Variants in TTLL5 observed in about 807,000 individuals in gnomAD.
The protein encoded by TTLL5 is tubulin tyrosine ligase like 5.
TTLL5 carries 132 observed loss-of-function variants against 168.4 expected under a neutral mutation model. That is an observed-to-expected ratio of 0.78 (90% CI 0.68 to 0.91). The LOEUF (loss-of-function observed/expected upper bound fraction) is 0.91, where lower values mean the gene tolerates loss of function less well. Among genes scored for constraint, TTLL5 ranks in the 40% least tolerant of loss-of-function variants. The pLI is 0.00. For missense variants in TTLL5, 1,545 were observed against 1,581.5 expected (o/e 0.98, Z 0.39); for synonymous variants, 546 against 558.6 (o/e 0.98, Z 0.32).
At chr14:75,757,993 A>T (rs1487017881) in intron 18 of TTLL5, 6 of 994,730 alleles carry the variant, frequency 6.0e-6, no homozygotes, top group African/African-American at 5.0e-5. Flanking sequence ...TAACATAAAA[A>T]TTTTTTCTAT....
At chr14:75,885,021 A>C (rs1237923922) in intron 30 of TTLL5, among the ~76,000 whole-genome samples, 1 of 150,478 alleles carries the variant, frequency 6.6e-6, no homozygotes, top group African/African-American at 2.5e-5. Context: ...ATACAAAAAA[A>C]AATTAGCCAG....
At chr14:75,721,493 G>T (rs537449715) in intron 12 of TTLL5, among the ~76,000 whole-genome samples, 1 of 152,318 alleles carries the variant, frequency 6.6e-6, no homozygotes, top group South Asian at 2.1e-4. Flanking sequence ...AGTAATACAG[G>T]TAGTAAGGAT....
At chr14:75,897,751 G>A (rs1019585402) in intron 30 of TTLL5, among the ~76,000 whole-genome samples, 1 of 152,136 alleles carries the variant, frequency 6.6e-6, no homozygotes, top group Non-Finnish European at 1.5e-5. Context: ...AGGATTACAG[G>A]TGTGAGCCAC....
intron 31 of TTLL5, among the ~76,000 whole-genome samples, chr14:75,925,884 C>T (rs984118137): frequency 3.9e-5 from 6 of 152,022 alleles, no homozygotes; most frequent in Non-Finnish European, 8.8e-5. Context: ...CCCGTCTCCA[C>T]CAAAAAAGTA....
chr14:75,760,916 T>G (rs1287394291), intron 18 of TTLL5, among the ~76,000 whole-genome samples: 1 of 152,092 alleles, frequency 6.6e-6, no homozygotes, highest in Non-Finnish European at 1.5e-5. Context: ...ATTAAAAACT[T>G]CATTATAAGA....
In TTLL5 at chr14:75,863,736, G is replaced by A. The variant is rs2030231971; in HGVS notation, c.3396G>A (p.Gly1132=). The stretch of plus-strand genomic sequence containing the variant: ...ACAACGTGTACAGCCAGGCTACAGG[G>A]GTGGTCCCCCAGCACAAGTATCACC... ...VENNVYSQAT[G]VVPQHKYHPT... is the part of the protein sequence containing the mutation. The change falls in exon 29 of 32, where the codon GGG becomes GGA. Residue 1132 remains glycine (G), a synonymous_variant. Transcript: ENST00000298832. The A allele has an allele frequency of 6.2e-7, 1 of 1,613,424 alleles. No homozygotes were observed. Among genetic ancestry groups the A allele is most frequent in the Admixed American group, 1.7e-5 (1 of 59,944 alleles).
At chr14:75,718,580 G>A (rs561770615) in intron 10 of TTLL5, among the ~76,000 whole-genome samples, 2 of 152,178 alleles carry the variant, frequency 1.3e-5, no homozygotes, top group Admixed American at 6.5e-5. Context: ...ATAGTGGGTA[G>A]GATTGTGAGT....
chr14:75,846,353 A>G (rs922445302), intron 28 of TTLL5, among the ~76,000 whole-genome samples: 2 of 152,228 alleles, frequency 1.3e-5, no homozygotes, highest in Non-Finnish European at 2.9e-5. Context: ...AATTTTTACA[A>G]TGGCCTAATC....
At chr14:75,670,803 T>C (rs553256436) in intron 3 of TTLL5, among the ~76,000 whole-genome samples, 7 of 152,366 alleles carry the variant, frequency 4.6e-5, no homozygotes, top group East Asian at 1.9e-4. Flanking sequence ...TTATATGTTA[T>C]GGATATTAGA....
At position 75,766,190 on chromosome 14, in the gene TTLL5, GAAAATCAAGCC is replaced by G; in HGVS notation, c.1841_1851del (p.Asn614IlefsTer22). 1 of 1,614,000 alleles carries G rather than the reference GAAAATCAAGCC, an allele frequency of 6.2e-7. No homozygotes were observed. Among genetic ancestry groups the G allele is most frequent in the Non-Finnish European group, 8.5e-7 (1 of 1,179,980 alleles). ...GGAGGAGTCTGCAGGATTTCTTAGA[GAAAATCAAGCC>G]AAATATACACCCTCATTGACAGCTT... On this transcript the variant is annotated frameshift_variant, in exon 20 of 32. Coordinates refer to ENST00000298832, the MANE Select transcript of TTLL5 (RefSeq NM_015072.5). LOFTEE classifies it high-confidence loss of function.
At chr14:75,739,866 T>A (rs1299051942) in intron 15 of TTLL5, among the ~76,000 whole-genome samples, 1 of 152,248 alleles carries the variant, frequency 6.6e-6, no homozygotes, top group African/African-American at 2.4e-5. Flanking sequence ...TTGAGTCTTT[T>A]GATTTTCCCA....
At chr14:75,833,315 C>G (rs1200200824) in intron 28 of TTLL5, among the ~76,000 whole-genome samples, 1 of 152,206 alleles carries the variant, frequency 6.6e-6, no homozygotes, top group Non-Finnish European at 1.5e-5. Flanking sequence ...CACCCAGTCC[C>G]CAGCATCTGA....
intron 1 of TTLL5, chr14:75,661,783 C>G: frequency 6.6e-6 from 1 of 152,322 alleles, no homozygotes; most frequent in Middle Eastern, 3.4e-3. Flanking sequence ...ATCAAGAAAT[C>G]CCGTTGAGAA....
intron 30 of TTLL5, among the ~76,000 whole-genome samples, chr14:75,895,991 G>GA (rs1223602057): frequency 2.0e-5 from 3 of 152,184 alleles, no homozygotes; most frequent in African/African-American, 4.8e-5. Flanking sequence ...ACTCAGGAAT[G>GA]AAGAGGACTA....
chr14:75,713,757 C>T (rs943419812), intron 9 of TTLL5, among the ~76,000 whole-genome samples: 7 of 152,176 alleles, frequency 4.6e-5, no homozygotes, highest in African/African-American at 1.7e-4. Flanking sequence ...GCAGCTGATA[C>T]TGGTATTGCC....
At chr14:75,827,384 A>G (rs1895239404) in intron 28 of TTLL5, among the ~76,000 whole-genome samples, 1 of 152,222 alleles carries the variant, frequency 6.6e-6, no homozygotes, top group Non-Finnish European at 1.5e-5. Context: ...CTGTTATTAT[A>G]AATCATTAAA....
intron 27 of TTLL5, among the ~76,000 whole-genome samples, chr14:75,812,034 A>C (rs2140393808): frequency 6.6e-6 from 1 of 152,290 alleles, no homozygotes; most frequent in South Asian, 2.1e-4. Flanking sequence ...GTATGCATGC[A>C]ATGTGTCCCT....
At chr14:75,771,616 A>T (rs897603499) in intron 20 of TTLL5, 118 bp from the exon 21 acceptor site, 8 of 1,436,900 alleles carry the variant, frequency 5.6e-6, no homozygotes, top group Non-Finnish European at 7.6e-6. Flanking sequence ...GATGGGTTTC[A>T]TATTTCTTAG....
intron 17 of TTLL5, among the ~76,000 whole-genome samples, chr14:75,749,318 G>A (rs1474241909): frequency 6.6e-6 from 1 of 152,102 alleles, no homozygotes; most frequent in Non-Finnish European, 1.5e-5. Flanking sequence ...GGTCTCTTAA[G>A]GAAGTCCAAC....
Sources: gnomAD v4.1 joint callset for allele counts (sites outside exome capture counted in the v4.1 genomes callset) on GRCh38, gnomAD v4.1.1 for gene constraint, MANE v1.5 for transcripts, NCBI Gene and HGNC (gene_info 2026-07-23, HGNC 2026-07-21) for gene names.